COL9A1: variants seen among roughly 807,000 people sequenced by gnomAD.
COL9A1 encodes collagen type IX alpha 1 chain.
In COL9A1, 104 loss-of-function variants were observed where a neutral mutation model predicts 142.6. That is an observed-to-expected ratio of 0.73 (90% CI 0.62 to 0.86). The LOEUF is 0.86. Among genes scored for constraint, COL9A1 ranks in the 40% least tolerant of loss-of-function variants. The pLI, the probability that COL9A1 is intolerant of heterozygous loss-of-function variation, is 0.00. For missense variants in COL9A1, 1,210 were observed against 1,176.6 expected (o/e 1.03, Z -0.42); for synonymous variants, 466 against 396.0 (o/e 1.18, Z -2.10).
Position 70,240,916 on chromosome 6 carries a change from G to A in COL9A1, c.2035-183C>T, listed in dbSNP as rs546953200. ...TGGTTAGTCCCAATCAGAAAATAGC[G>A]GAGAGGAAAGCCAGAAGGTGAGGCT... is the stretch of plus-strand genomic sequence containing the variant. On this transcript the variant is annotated intron_variant, in intron 31 of 37. Coordinates refer to ENST00000357250, the MANE Select transcript of COL9A1 (RefSeq NM_001851.6). Among the ~76,000 whole-genome samples, 13 of 152,144 alleles carry A rather than the reference G, an allele frequency of 8.5e-5. 1 individual carries two copies. In the South Asian group the frequency reaches 2.5e-3, roughly 29 times the overall value.
rs765700384 is a variant in COL9A1, at chr6:70,268,792, T to C, written c.1287+12A>G. 2 of 1,612,152 alleles carry C rather than the reference T, an allele frequency of 1.2e-6. No homozygotes were observed. Among genetic ancestry groups the C allele is most frequent in the Non-Finnish European group, 1.7e-6 (2 of 1,178,434 alleles). ...GATAATACTCTTAAAATACTGGAAG[T>C]TATTCTCTTACCCTCATGCCTGGTA... On this transcript the variant is annotated intron_variant, in intron 17 of 37. Transcript: ENST00000357250.
At chr6:70,285,082 T>C (rs986116185) in intron 5 of COL9A1, among the ~76,000 whole-genome samples, 2 of 152,214 alleles carry the variant, frequency 1.3e-5, no homozygotes, top group African/African-American at 4.8e-5. Context: ...GTTTCAATAG[T>C]TCATTAAAGT....
intron 19 of COL9A1, chr6:70,260,979 T>A: frequency 2.7e-6 from 1 of 375,174 alleles, no homozygotes; most frequent in Admixed American, 4.1e-5. Flanking sequence ...AATACCAGCA[T>A]AAGAGAAATT....
chr6:70,283,134 G>A, intron 6 of COL9A1: 7 of 1,532,146 alleles, frequency 4.6e-6, no homozygotes, highest in South Asian at 3.6e-5. Context: ...ACTAGCATAG[G>A]TGGCACTTCG....
In COL9A1 at chr6:70,267,963, C is replaced by T. The variant is rs538986605; in HGVS notation, c.1287+841G>A. Among the ~76,000 whole-genome samples, 51 of 152,126 alleles carry T rather than the reference C, an allele frequency of 3.4e-4. 2 individuals are homozygous for T. In the South Asian group the frequency reaches 4.8e-3, roughly 14 times the overall value. ...CAGAGCTCCATTGGTCTGGAATGTC[C>T]CAAAATCACTTTAGACTGAGAGACT... is the stretch of plus-strand genomic sequence containing the variant. On this transcript the variant is annotated intron_variant, in intron 17 of 37. Coordinates refer to ENST00000357250, the MANE Select transcript of COL9A1 (RefSeq NM_001851.6).
intron 24 of COL9A1, 106 bp from the exon 25 acceptor site, chr6:70,254,635 G>C: frequency 9.5e-7 from 1 of 1,052,686 alleles, no homozygotes; most frequent in Non-Finnish European, 1.5e-6. Flanking sequence ...TGTCCCAACA[G>C]CTGACTTTAC....
chr6:70,253,229 A>G, intron 26 of COL9A1, 156 bp downstream of exon 26: 1 of 552,664 alleles, frequency 1.8e-6, no homozygotes, highest in Non-Finnish European at 3.3e-6. Context: ...TAGGAAAAAG[A>G]TTAGTATTTG....
intron 35 of COL9A1, among the ~76,000 whole-genome samples, chr6:70,233,231 C>A (rs1430815554): frequency 6.6e-6 from 1 of 152,172 alleles, no homozygotes; most frequent in East Asian, 1.9e-4. Flanking sequence ...ATTCAGACAC[C>A]ATTTGAGACC....
chr6:70,216,136 A>G lies in COL9A1; in HGVS notation c.*761T>C, dbSNP rs1220114862. On this transcript the variant is annotated 3_prime_UTR_variant, in exon 38 of 38. Coordinates refer to ENST00000357250, the MANE Select transcript of COL9A1 (RefSeq NM_001851.6). ...AAAACATGCAAGAGATTAAGAAACC[A>G]TATTTATTTCTTCTTTGGTACAACC... 6.5e-6 allele frequency: 1 copy of G among 152,672 alleles called. No individual in the cohort carries two copies. The highest frequency in any genetic ancestry group is 1.5e-5 in the Non-Finnish European group (1 of 68,052). The allele number at this position is 152,672 out of a possible 1,614,324, so 9.5% of individuals were successfully genotyped here.
chr6:70,241,007 G>A (rs577377472), intron 31 of COL9A1, among the ~76,000 whole-genome samples: 36 of 152,284 alleles, frequency 2.4e-4, no homozygotes, highest in African/African-American at 8.4e-4. Flanking sequence ...CCTTGAAATA[G>A]GGAATCTACA....
chr6:70,229,424 C>T (rs1289905965), intron 36 of COL9A1, among the ~76,000 whole-genome samples: 1 of 152,114 alleles, frequency 6.6e-6, no homozygotes, highest in Non-Finnish European at 1.5e-5. Flanking sequence ...AGCAGAAAAA[C>T]AGCTCATTAT....
intron 12 of COL9A1, among the ~76,000 whole-genome samples, chr6:70,272,663 C>G (rs1001221610): frequency 6.6e-6 from 1 of 151,984 alleles, no homozygotes. Flanking sequence ...TACAATGGGA[C>G]GCTAATTTAA....
intron 37 of COL9A1, among the ~76,000 whole-genome samples, chr6:70,223,678 C>T (rs1262998197): frequency 2.0e-5 from 3 of 152,258 alleles, no homozygotes; most frequent in Admixed American, 1.3e-4. Context: ...GAGGACACCG[C>T]GCCAAAGCGC....
intron 33 of COL9A1, among the ~76,000 whole-genome samples, chr6:70,238,137 AT>A: frequency 6.6e-6 from 1 of 152,252 alleles, no homozygotes; most frequent in East Asian, 1.9e-4. Context: ...AGTGGGTTTT[AT>A]TTTTTTAAAA....
chr6:70,284,754 C>A (rs1167761335), intron 5 of COL9A1, among the ~76,000 whole-genome samples: 2 of 152,190 alleles, frequency 1.3e-5, no homozygotes, highest in African/African-American at 4.8e-5. Flanking sequence ...AAATTGGATC[C>A]ATATTTCTTT....
intron 28 of COL9A1, among the ~76,000 whole-genome samples, chr6:70,243,000 G>T (rs1294252680): frequency 6.6e-6 from 1 of 152,154 alleles, no homozygotes; most frequent in Non-Finnish European, 1.5e-5. Flanking sequence ...ATGGTTATTT[G>T]TGTCCATGTT....
intron 28 of COL9A1, among the ~76,000 whole-genome samples, chr6:70,242,994 T>A (rs1356623685): frequency 6.6e-6 from 1 of 152,258 alleles, no homozygotes; most frequent in Admixed American, 6.5e-5. Flanking sequence ...TTTATTATGG[T>A]TATTTGTGTC....
chr6:70,299,980 T>C, intron 4 of COL9A1, 63 bp downstream of exon 4: 2 of 1,462,128 alleles, frequency 1.4e-6, no homozygotes, highest in Admixed American at 1.7e-5. Flanking sequence ...TAACATTGGA[T>C]AGCTATCCAT....
In COL9A1 at chr6:70,294,373, G is replaced by A. The variant is rs749263101; in HGVS notation, c.490C>T (p.Leu164Phe). ...VFSYKGLDGS[L>F]QTAAFSNLSS... ...AAATTCGAAAAGGCTGCTGTTTGGA[G>A]ACTTCCATCCAGTCCCTTGTATGAA... Residue 164 changes from leucine (L) to phenylalanine (F), a missense_variant, in exon 5 of 38, where the codon CTC (leucine) becomes TTC (phenylalanine). Transcript: ENST00000357250. 9.9e-6 allele frequency: 16 copies of A among 1,614,086 alleles called. No individual in the cohort carries two copies. In the Middle Eastern group the frequency reaches 4.9e-4, roughly 50 times the overall value.
Sources: allele counts gnomAD v4.1 joint callset (sites outside exome capture counted in the v4.1 genomes callset), GRCh38; gene constraint gnomAD v4.1.1; transcripts MANE v1.5; gene names NCBI Gene and HGNC (gene_info 2026-07-23, HGNC 2026-07-21).